ARSJ: variants seen among roughly 807,000 people sequenced by gnomAD.
ARSJ encodes arylsulfatase family member J, also known as arylsulfatase J.
Under a neutral mutation model 35.9 loss-of-function variants are expected in ARSJ, and 26 were observed. The observed-to-expected ratio is 0.72, with a 90% CI of 0.53 to 1.00. The LOEUF (loss-of-function observed/expected upper bound fraction) is 1.00. Ranked by LOEUF, ARSJ falls within the 50% of genes least tolerant of loss-of-function variation. The probability of loss-of-function intolerance (pLI) is 0.00; values close to 1 mark genes in which losing one functional copy is unlikely to be tolerated. For synonymous variants in ARSJ, 294 were observed against 267.6 expected (o/e 1.10, Z -0.96); for missense variants, 667 against 723.6 (o/e 0.92, Z 0.90).
chr4:113,966,547 T>C (rs993341337), intron 1 of ARSJ, among the ~76,000 whole-genome samples: 13 of 152,152 alleles, frequency 8.5e-5, no homozygotes, highest in Non-Finnish European at 1.8e-4. Flanking sequence ...AATTTATTAT[T>C]GCTTCTAATT....
chr4:113,909,290 G>A (rs1270394266), intron 1 of ARSJ, among the ~76,000 whole-genome samples: 1 of 151,962 alleles, frequency 6.6e-6, no homozygotes, highest in Non-Finnish European at 1.5e-5. Context: ...AACCCATTGT[G>A]GAAAATAACA....
In ARSJ at chr4:113,903,135, A is replaced by G. The variant is rs370758744; in HGVS notation, c.939T>C (p.Thr313=). 71 of 1,614,082 alleles carry G rather than the reference A, an allele frequency of 4.4e-5. 2 individuals are homozygous for G. The Admixed American group carries it at 9.7e-4, about 22-fold the overall frequency. The part of the protein sequence containing the change: ...AINNVTLALK[T]YGFYNNSIII... ...TAATGCTGTTGTTATAGAAACCATAAGTCTTTAGAGCCAATGTCACGTTGT... is the reference window on the plus strand; with the variant it reads ...TAATGCTGTTGTTATAGAAACCATAGGTCTTTAGAGCCAATGTCACGTTGT... The change falls in exon 2 of 2, where the codon ACT becomes ACC. Residue 313 remains threonine (T), a synonymous_variant. Coordinates refer to ENST00000315366, the MANE Select transcript of ARSJ (RefSeq NM_024590.4).
In ARSJ at chr4:113,908,774, T is replaced by C. The variant is rs561424364; in HGVS notation, c.399-5099A>G. Among the ~76,000 whole-genome samples the C allele has an allele frequency of 1.6e-4, 25 of 152,290 alleles. 1 individual carries two copies. The highest frequency in any genetic ancestry group is 4.8e-4 in the African/African-American group (20 of 41,578). ...TATAAAACTTACACAGAATAGAAAT[T>C]AAAGGGGATGAGATAAAAATAAATG... On this transcript the variant is annotated intron_variant, in intron 1 of 1. Coordinates refer to ENST00000315366, the MANE Select transcript of ARSJ (RefSeq NM_024590.4).
intron 1 of ARSJ, among the ~76,000 whole-genome samples, chr4:113,905,794 A>T (rs1185616268): frequency 6.8e-6 from 1 of 146,528 alleles, no homozygotes; most frequent in Admixed American, 7.2e-5. Context: ...CAGCCACCCG[A>T]GTAGCTGGAA....
Position 113,902,683 on chromosome 4 carries a change from C to T in ARSJ, c.1391G>A (p.Ser464Asn). The T allele has an allele frequency of 6.2e-7, 1 of 1,614,208 alleles. No individual in the cohort carries two copies. Among genetic ancestry groups the T allele is most frequent in the South Asian group, 1.1e-5 (1 of 91,082 alleles). ...GAAAGACTGAGGGGGGACCCAGTCG[C>T]TGTAGCCAGGATTTCCTGTAAGCAA... ...WKLLTGNPGY[S>N]DWVPPQSFSN... Residue 464 changes from serine to asparagine, a missense_variant, in exon 2 of 2, where the codon AGC becomes AAC. Coordinates refer to ENST00000315366, the MANE Select transcript of ARSJ (RefSeq NM_024590.4).
At position 113,973,650 on chromosome 4, in the gene ARSJ, G is replaced by A. The variant is rs542838209; in HGVS notation, c.398+4787C>T. Among the ~76,000 whole-genome samples, 10 of 152,238 alleles carry A rather than the reference G, an allele frequency of 6.6e-5. No individual in the cohort carries two copies. In the South Asian group the frequency reaches 1.9e-3, roughly 28 times the overall value. ...AATTCACTTTCTTACTCTCCTAGCA[G>A]ATATTTTGTATCTCTCGCCCTCTCT... On this transcript the variant is annotated intron_variant, in intron 1 of 1. Coordinates refer to ENST00000315366, the MANE Select transcript of ARSJ (RefSeq NM_024590.4).
chr4:113,940,319 A>G (rs888000160), intron 1 of ARSJ, among the ~76,000 whole-genome samples: 1 of 152,180 alleles, frequency 6.6e-6, no homozygotes, highest in Non-Finnish European at 1.5e-5. Flanking sequence ...TTAAAAAGGA[A>G]TAAGATCATG....
In ARSJ at chr4:113,902,429, C is replaced by T; in HGVS notation, c.1645G>A (p.Gly549Arg). 1.2e-6 allele frequency: 2 copies of T among 1,614,014 alleles called. No homozygotes were observed. Among genetic ancestry groups the T allele is most frequent in the Non-Finnish European group, 1.7e-6 (2 of 1,180,000 alleles). The change falls in exon 2 of 2, where the codon GGG becomes AGG. Residue 549 changes from glycine to arginine, a missense_variant. By Grantham distance (125) the Gly-to-Arg change is moderately radical. Transcript: ENST00000315366. ...DPRSNPRLNG[G>R]VWGPWYKEET... is the part of the protein sequence containing the mutation. ...TCTTTATACCATGGTCCCCAGACCC[C>T]TCCATTGAGCCTAGGGTTACTTCTG... is the stretch of plus-strand genomic sequence containing the variant.
intron 1 of ARSJ, among the ~76,000 whole-genome samples, chr4:113,936,565 TA>T (rs1017816788): frequency 1.3e-5 from 2 of 151,752 alleles, no homozygotes; most frequent in Admixed American, 6.6e-5. Context: ...GAACTAAGTT[TA>T]AAAAAAATTT....
intron 1 of ARSJ, among the ~76,000 whole-genome samples, chr4:113,936,818 A>G (rs917552761): frequency 6.6e-6 from 1 of 151,868 alleles, no homozygotes; most frequent in Non-Finnish European, 1.5e-5. Flanking sequence ...ATGAAGCAAA[A>G]CATTAAAAAA....
At chr4:113,930,432 A>G (rs1384554872) in intron 1 of ARSJ, among the ~76,000 whole-genome samples, 1 of 152,010 alleles carries the variant, frequency 6.6e-6, no homozygotes, top group African/African-American at 2.4e-5. Flanking sequence ...GGGTTGGACG[A>G]CTCAAATATT....
intron 1 of ARSJ, among the ~76,000 whole-genome samples, chr4:113,934,393 T>C (rs1724644181): frequency 6.6e-6 from 1 of 151,878 alleles, no homozygotes. Flanking sequence ...CAAGGGATAT[T>C]ATTCATCAAT....
rs535562188 is a variant in ARSJ at position 113,930,028 on chromosome 4, CT to C, written c.399-26354del. 1.5e-3 allele frequency among the ~76,000 whole-genome samples: 233 copies of C among 152,138 alleles called. 2 individuals carry two copies. Among genetic ancestry groups the C allele is most frequent in the South Asian group, 0.011 (55 of 4,806 alleles). On this transcript the variant is annotated intron_variant, in intron 1 of 1. Coordinates refer to ENST00000315366, the MANE Select transcript of ARSJ (RefSeq NM_024590.4). ...AGTAGAGTCCTTAGCATTTTTGGGTCTAATCATATTAAGCAGCCAACTCCAG... is the reference window on the plus strand; with the variant it reads ...AGTAGAGTCCTTAGCATTTTTGGGTCAATCATATTAAGCAGCCAACTCCAG...
At chr4:113,967,349 C>A (rs915142232) in intron 1 of ARSJ, among the ~76,000 whole-genome samples, 3 of 152,136 alleles carry the variant, frequency 2.0e-5, no homozygotes, top group Admixed American at 1.3e-4. Context: ...TGGAAATACT[C>A]TTCTCTTTCT....
At chr4:113,940,925 T>C (rs1198131738) in intron 1 of ARSJ, among the ~76,000 whole-genome samples, 5 of 152,144 alleles carry the variant, frequency 3.3e-5, no homozygotes, top group Admixed American at 2.0e-4. Context: ...TCTACACAAC[T>C]GATTTCTTTG....
Position 113,978,514 on chromosome 4 carries a change from A to C in ARSJ, c.321T>G (p.Ala107=). 1.2e-6 allele frequency: 2 copies of C among 1,614,196 alleles called. No individual in the cohort carries two copies. The highest frequency in any genetic ancestry group is 1.7e-6 in the Non-Finnish European group (2 of 1,180,000). ...EIKTPTLDKL[A]AEGVKLENYY... The stretch of plus-strand genomic sequence containing the variant: ...AGTTCTCCAGTTTAACTCCTTCGGC[A>C]GCGAGCTTGTCAAGAGTAGGTGTTT... The change falls in exon 1 of 2, where the codon GCT becomes GCG. Residue 107 remains alanine (A), a synonymous_variant. Coordinates refer to ENST00000315366, the MANE Select transcript of ARSJ (RefSeq NM_024590.4).
chr4:113,902,457 G>A lies in ARSJ; in HGVS notation c.1617C>T (p.Asp539=), dbSNP rs764151508. 4.6e-5 allele frequency: 74 copies of A among 1,614,042 alleles called. 1 individual carries two copies. The South Asian group carries it at 7.7e-4, about 17-fold the overall frequency. ...TAVPVRYPPK[D]PRSNPRLNGG... is the part of the protein sequence containing the mutation. ...CATTGAGCCTAGGGTTACTTCTGGG[G>A]TCTTTGGGGGGATACCTGACCGGCA... The change falls in exon 2 of 2, where the codon GAC becomes GAT. Residue 539 remains aspartate, a synonymous_variant. Coordinates refer to ENST00000315366, the MANE Select transcript of ARSJ (RefSeq NM_024590.4).
intron 1 of ARSJ, chr4:113,970,965 AAAAAAATAAAAAT>A (rs1727206724): frequency 6.6e-6 from 1 of 151,988 alleles, no homozygotes; most frequent in Non-Finnish European, 1.5e-5. Context: ...AAAAAACAGT[AAAAAAATAAAAAT>A]AAAAAATAAA....
intron 1 of ARSJ, chr4:113,944,013 CA>C (rs1033011525): frequency 6.6e-6 from 1 of 151,924 alleles, no homozygotes; most frequent in Non-Finnish European, 1.5e-5. Context: ...TTAAGTTTTC[CA>C]AATCTCCCTG....
Sources: gnomAD v4.1 joint callset for allele counts (sites outside exome capture counted in the v4.1 genomes callset) on GRCh38, gnomAD v4.1.1 for gene constraint, MANE v1.5 for transcripts, NCBI Gene and HGNC (gene_info 2026-07-23, HGNC 2026-07-21) for gene names.